Variants in ZNF644 observed in about 807,000 individuals in gnomAD.
ZNF644 encodes the protein zinc finger protein 644, also known as zinc finger motif enhancer binding protein 2.
A neutral mutation model predicts 108.0 loss-of-function variants in ZNF644; 20 were observed. The ratio of observed to expected loss-of-function variants is 0.19; its 90% CI spans 0.13 to 0.27. The LOEUF (loss-of-function observed/expected upper bound fraction) is 0.27, where lower values mean the gene tolerates loss of function less well. Among genes scored for constraint, ZNF644 ranks in the 10% least tolerant of loss-of-function variants. The pLI is 1.00. For missense variants in ZNF644, 1,338 were observed against 1,548.9 expected, an observed-to-expected ratio of 0.86 and a Z score of 2.29; for synonymous variants, 542 against 539.1, an observed-to-expected ratio of 1.01 and a Z score of -0.08.
intron 1 of ZNF644, among the ~76,000 whole-genome samples, chr1:90,996,254 A>C (rs1658135093): frequency 6.6e-6 from 1 of 152,236 alleles, no homozygotes; most frequent in Non-Finnish European, 1.5e-5. Flanking sequence ...CAACAGTAGG[A>C]TATAAGCAAA....
At chr1:91,010,913 AT>A (rs1659906075) in intron 1 of ZNF644, among the ~76,000 whole-genome samples, 1 of 152,236 alleles carries the variant, frequency 6.6e-6, no homozygotes, top group African/African-American at 2.4e-5. Context: ...CCAAAACTAA[AT>A]TCAAACATAA....
chr1:91,021,642 C>CT (rs1434564275), intron 1 of ZNF644: 1 of 141,998 alleles, frequency 7.0e-6, no homozygotes, highest in African/African-American at 2.6e-5. Context: ...AAGCCCCCCC[C>CT]CCATCCCCCC....
rs536800041 is a variant in ZNF644 at position 90,942,661 on chromosome 1, T to C, written c.45-1352A>G. Among the ~76,000 whole-genome samples the C allele has an allele frequency of 2.6e-5, 4 of 152,336 alleles. No homozygotes were observed. The South Asian group carries it at 8.3e-4, about 32-fold the overall frequency. On this transcript the variant is annotated intron_variant, in intron 2 of 5. Coordinates refer to ENST00000337393, the MANE Select transcript of ZNF644 (RefSeq NM_201269.3). ...AAAAACAGTTTTGTTCCTATGAAAT[T>C]TGGATACCCCATTCAAACACAAGTT...
chr1:90,999,290 C>T (rs895363460), intron 1 of ZNF644, among the ~76,000 whole-genome samples: 3 of 152,134 alleles, frequency 2.0e-5, no homozygotes, highest in African/African-American at 7.2e-5. Context: ...GGCAGCCAGA[C>T]AGAAAGGTCA....
chr1:91,016,813 T>TA (rs1173962485), intron 1 of ZNF644, among the ~76,000 whole-genome samples: 10 of 152,222 alleles, frequency 6.6e-5, no homozygotes, highest in African/African-American at 2.4e-4. Flanking sequence ...AAAATATACT[T>TA]ACGTTTCTAG....
chr1:91,014,811 T>A (rs1660291292), intron 1 of ZNF644, among the ~76,000 whole-genome samples: 1 of 152,270 alleles, frequency 6.6e-6, no homozygotes, highest in African/African-American at 2.4e-5. Flanking sequence ...AACTTACAAA[T>A]TGTGTAACAA....
chr1:90,917,002 T>C lies in ZNF644; in HGVS notation c.3792-12A>G. On this transcript the variant is annotated splice_polypyrimidine_tract_variant and intron_variant, in intron 5 of 5. Transcript: ENST00000337393. ...CTAGGCCACAAAACCTACAGAAAGA[T>C]AACAATTCTCTTAACATGACCAATT... The C allele has an allele frequency of 6.2e-7, 1 of 1,613,916 alleles. No individual in the cohort carries two copies. The highest frequency in any genetic ancestry group is 8.5e-7 in the Non-Finnish European group (1 of 1,179,788).
intron 1 of ZNF644, among the ~76,000 whole-genome samples, chr1:90,998,554 T>C (rs117834682): frequency 1.3e-5 from 2 of 152,258 alleles, no homozygotes; most frequent in East Asian, 3.9e-4. Flanking sequence ...CTACGTCATC[T>C]ACATCATCAA....
intron 1 of ZNF644, among the ~76,000 whole-genome samples, chr1:91,015,227 G>A (rs995106853): frequency 1.3e-5 from 2 of 152,088 alleles, no homozygotes. Flanking sequence ...TGTGCTAGGA[G>A]GAGGTTGGTG....
chr1:91,008,322 C>T (rs1490399895), intron 1 of ZNF644, among the ~76,000 whole-genome samples: 2 of 152,100 alleles, frequency 1.3e-5, no homozygotes, highest in Non-Finnish European at 2.9e-5. Flanking sequence ...CTTCAGAGGT[C>T]CCTGCAGCCA....
intron 2 of ZNF644, among the ~76,000 whole-genome samples, chr1:90,977,341 A>G (rs988684196): frequency 4.6e-5 from 7 of 152,142 alleles, no homozygotes; most frequent in Admixed American, 1.3e-4. Flanking sequence ...GTATGAAGGG[A>G]AAAAAAGGCA....
chr1:90,930,024 C>A (rs150024765), intron 4 of ZNF644, among the ~76,000 whole-genome samples: 2 of 152,206 alleles, frequency 1.3e-5, no homozygotes, highest in African/African-American at 4.8e-5. Flanking sequence ...CAGTGGCTCA[C>A]GCCTGTAATC....
In ZNF644 at chr1:90,939,941, CTGG is replaced by C. The variant is rs752742871; in HGVS notation, c.1410_1412del (p.His470del). On this transcript the variant is annotated inframe_deletion, in exon 3 of 6. Coordinates refer to ENST00000337393, the MANE Select transcript of ZNF644 (RefSeq NM_201269.3). ...CCTCCATCAACTTCTGTCTTCTCTC[CTGG>C]TGAATAATCATATGTTTTAGAAGTG... is the stretch of plus-strand genomic sequence containing the variant. 6.2e-7 allele frequency: 1 copy of C among 1,614,036 alleles called. No individual in the cohort carries two copies. Among genetic ancestry groups the C allele is most frequent in the Non-Finnish European group, 8.5e-7 (1 of 1,179,954 alleles).
At chr1:90,920,534 T>C (rs1414301094) in intron 4 of ZNF644, among the ~76,000 whole-genome samples, 2 of 152,082 alleles carry the variant, frequency 1.3e-5, no homozygotes, top group Non-Finnish European at 2.9e-5. Flanking sequence ...TTTTGGCTTT[T>C]TCTTTAATAG....
rs12134648 is a variant in ZNF644, at chr1:90,971,980, C to T, written c.44+10330G>A. Among the ~76,000 whole-genome samples the T allele has an allele frequency of 3.2e-3, 489 of 152,184 alleles. 1 individual carries two copies. The highest frequency in any genetic ancestry group is 4.9e-3 in the Non-Finnish European group (333 of 67,998). On this transcript the variant is annotated intron_variant, in intron 2 of 5. Transcript: ENST00000337393. ...GTGTAAAGGCTGGAAAACAATGAAA[C>T]ATGCAAGTAAGCAGCTGTAGTCCCA...
At chr1:90,934,539 T>C (rs963253472) in intron 4 of ZNF644, among the ~76,000 whole-genome samples, 2 of 152,160 alleles carry the variant, frequency 1.3e-5, no homozygotes, top group East Asian at 1.9e-4. Context: ...AGACTACAAA[T>C]GAAAGTGCAA....
In ZNF644 at chr1:90,938,132, TA is replaced by T. The variant is rs1651543538; in HGVS notation, c.3083-43del. 1 of 1,608,330 alleles carries T rather than the reference TA, an allele frequency of 6.2e-7. No homozygotes were observed. ...AAGAGTAATATCAGACTTTCTTATA[TA>T]AACTGACCACCCTAAAATGAGTTAA... On this transcript the variant is annotated intron_variant, in intron 3 of 5. Transcript: ENST00000337393. The surrounding 1 kb of genome is among the most constrained non-coding windows in gnomAD (Gnocchi z 4.2).
chr1:90,966,345 G>A (rs1654885004), intron 2 of ZNF644, among the ~76,000 whole-genome samples: 1 of 152,080 alleles, frequency 6.6e-6, no homozygotes, highest in East Asian at 1.9e-4. Context: ...CCACTACAAA[G>A]TAAGCTTCTT....
At chr1:90,933,229 T>G (rs577983948) in intron 4 of ZNF644, among the ~76,000 whole-genome samples, 1 of 152,304 alleles carries the variant, frequency 6.6e-6, no homozygotes, top group Non-Finnish European at 1.5e-5. Context: ...TATTGGATAT[T>G]TGCATAATCT....
Sources: gnomAD v4.1 joint callset for allele counts (sites outside exome capture counted in the v4.1 genomes callset) on GRCh38, gnomAD v4.1.1 for gene constraint, Gnocchi (gnomAD v3.1) non-coding constraint, MANE v1.5 for transcripts, NCBI Gene and HGNC (gene_info 2026-07-23, HGNC 2026-07-21) for gene names.